The following MRTFA variants were observed in gnomAD, a reference collection of about 807,000 sequenced individuals.
MRTFA encodes myocardin related transcription factor A, also known as myocardin-related transcription factor A.
Under a neutral mutation model 83.5 loss-of-function variants are expected in MRTFA, and 20 were observed. That is an observed-to-expected ratio of 0.24 (90% CI 0.17 to 0.35). The LOEUF (loss-of-function observed/expected upper bound fraction) is 0.35. Ranked by LOEUF, MRTFA falls within the 10% of genes least tolerant of loss-of-function variation. The probability of loss-of-function intolerance (pLI) is 1.00; values close to 1 mark genes in which losing one functional copy is unlikely to be tolerated. For missense variants in MRTFA, 1,200 were observed against 1,224.7 expected, an observed-to-expected ratio of 0.98 and a Z score of 0.30; for synonymous variants, 659 against 541.2, an observed-to-expected ratio of 1.22 and a Z score of -3.02.
chr22:40,424,967 G>T (rs1314769718), intron 7 of MRTFA, among the ~76,000 whole-genome samples: 1 of 152,216 alleles, frequency 6.6e-6, no homozygotes, highest in Admixed American at 6.5e-5. Flanking sequence ...GGGTATCCCA[G>T]AAAGGGGATG....
intron 2 of MRTFA, among the ~76,000 whole-genome samples, chr22:40,590,023 A>G (rs112306358): frequency 1.3e-3 from 183 of 136,114 alleles, no homozygotes; most frequent in South Asian, 7.7e-3. Flanking sequence ...CTCCGTCTCG[A>G]AAAAAAAAAA....
At chr22:40,440,169 AAAG>A (rs2053249308) in intron 4 of MRTFA, among the ~76,000 whole-genome samples, 1 of 151,768 alleles carries the variant, frequency 6.6e-6, no homozygotes, top group Non-Finnish European at 1.5e-5. Flanking sequence ...AAAAAAAAAA[AAAG>A]AATTCAAGAT....
chr22:40,422,724 G>A lies in MRTFA; in HGVS notation c.927+812C>T, dbSNP rs572795069. ...AGCCAGGGAGTGCCACAAGAAGGGC[G>A]GGCAGCTCCCAGAGCTAGTGGGGCC... On this transcript the variant is annotated intron_variant, in intron 9 of 14. Transcript: ENST00000355630. Among the ~76,000 whole-genome samples, 26 of 152,330 alleles carry A rather than the reference G, an allele frequency of 1.7e-4. No individual in the cohort carries two copies. The East Asian group carries it at 3.3e-3, about 19-fold the overall frequency.
intron 1 of MRTFA, among the ~76,000 whole-genome samples, chr22:40,613,062 T>A (rs2056405133): frequency 6.6e-6 from 1 of 152,238 alleles, no homozygotes; most frequent in African/African-American, 2.4e-5. Context: ...AGGTTAGTTT[T>A]GCCTAGTGTA....
chr22:40,461,770 G>C (rs1382231184), intron 4 of MRTFA, among the ~76,000 whole-genome samples: 6 of 151,976 alleles, frequency 3.9e-5, no homozygotes, highest in Admixed American at 3.3e-4. Context: ...CTGCACTCCA[G>C]CCTGGGCAAC....
At chr22:40,505,180 A>G (rs1263876609) in intron 3 of MRTFA, among the ~76,000 whole-genome samples, 2 of 152,232 alleles carry the variant, frequency 1.3e-5, no homozygotes, top group Non-Finnish European at 2.9e-5. Flanking sequence ...GCCAACTTTC[A>G]GGCAAAGGGA....
intron 4 of MRTFA, among the ~76,000 whole-genome samples, chr22:40,439,329 C>T (rs1010244544): frequency 6.6e-6 from 1 of 151,734 alleles, no homozygotes; most frequent in African/African-American, 2.4e-5. Context: ...ATGGCAAAAC[C>T]ATGTCTCTAC....
rs1416329609 is a variant in MRTFA, at chr22:40,420,409, A to C, written c.1349T>G (p.Met450Arg). The C allele has an allele frequency of 1.2e-6, 2 of 1,613,108 alleles. No homozygotes were observed. The highest frequency in any genetic ancestry group is 1.7e-6 in the Non-Finnish European group (2 of 1,179,716). ...AGTTTTCCAGTGGCCATGTACCTTC[A>C]TGTCGTCCAGGTTGGCCGGCAGGGC... The change falls in exon 11 of 15, where the codon ATG becomes AGG. Residue 450 changes from methionine to arginine, a missense_variant. By Grantham distance (91) the Met-to-Arg change is moderately conservative. Transcript: ENST00000355630.
chr22:40,467,292 C>T (rs2053826595), intron 3 of MRTFA, among the ~76,000 whole-genome samples: 1 of 152,110 alleles, frequency 6.6e-6, no homozygotes, highest in South Asian at 2.1e-4. Flanking sequence ...AAGCAGTAAA[C>T]TCAGAATTAT....
chr22:40,520,787 TA>T (rs2054853171), intron 3 of MRTFA, among the ~76,000 whole-genome samples: 2 of 152,212 alleles, frequency 1.3e-5, no homozygotes, highest in Admixed American at 1.3e-4. Context: ...GGATATACCA[TA>T]TTTTGTTTAT....
intron 1 of MRTFA, among the ~76,000 whole-genome samples, chr22:40,633,684 G>A (rs1187569944): frequency 6.6e-6 from 1 of 151,870 alleles, no homozygotes; most frequent in Admixed American, 6.6e-5. Flanking sequence ...AATAAAGATA[G>A]CCTTTATTTA....
At chr22:40,613,598 G>A (rs1041115161) in intron 1 of MRTFA, among the ~76,000 whole-genome samples, 1 of 152,064 alleles carries the variant, frequency 6.6e-6, no homozygotes, top group South Asian at 2.1e-4. Flanking sequence ...GCTCGTGCCT[G>A]TAATCCCAAC....
chr22:40,498,994 G>A (rs766789689), intron 3 of MRTFA, among the ~76,000 whole-genome samples: 17 of 152,014 alleles, frequency 1.1e-4, no homozygotes, highest in Non-Finnish European at 1.6e-4. Flanking sequence ...TCAGCCAATC[G>A]TCCCTTTTAT....
chr22:40,419,483 T>C, intron 11 of MRTFA, 99 bp from the exon 12 acceptor site: 1 of 1,053,442 alleles, frequency 9.5e-7, no homozygotes, highest in Admixed American at 2.3e-5. Context: ...CCACTGCAGA[T>C]GCATCAACTA....
chr22:40,496,723 T>C lies in MRTFA; in HGVS notation c.242-33437A>G, dbSNP rs367844489. Among the ~76,000 whole-genome samples the C allele has an allele frequency of 4.8e-3, 707 of 146,090 alleles. 3 individuals are homozygous for C. The highest frequency in any genetic ancestry group is 0.017 in the African/African-American group (674 of 38,794). Reference sequence around the variant, plus strand: ...GAAGCACAGTCACCAATCTGGGTGGTTGGAATAGAACAATCTATTTTCTCT... The same window carrying C: ...GAAGCACAGTCACCAATCTGGGTGGCTGGAATAGAACAATCTATTTTCTCT... On this transcript the variant is annotated intron_variant, in intron 3 of 14. Coordinates refer to ENST00000355630, the MANE Select transcript of MRTFA (RefSeq NM_020831.6).
chr22:40,630,224 G>C (rs2056627856), intron 1 of MRTFA, among the ~76,000 whole-genome samples: 1 of 152,096 alleles, frequency 6.6e-6, no homozygotes, highest in South Asian at 2.1e-4. Flanking sequence ...GCTGAGGCAG[G>C]AGAATCGCTT....
chr22:40,584,786 T>G (rs1183725189), intron 2 of MRTFA, among the ~76,000 whole-genome samples: 2 of 138,618 alleles, frequency 1.4e-5, no homozygotes, highest in Non-Finnish European at 3.1e-5. Context: ...GGCTCAAGCC[T>G]TAATCCCAGC....
intron 4 of MRTFA, among the ~76,000 whole-genome samples, chr22:40,453,589 G>A (rs2053533551): frequency 6.6e-6 from 1 of 152,182 alleles, no homozygotes; most frequent in African/African-American, 2.4e-5. Context: ...GGCCCAGAGA[G>A]AGAGGATTTG....
chr22:40,509,415 T>G (rs2054631407), intron 3 of MRTFA, among the ~76,000 whole-genome samples: 1 of 152,248 alleles, frequency 6.6e-6, no homozygotes, highest in Non-Finnish European at 1.5e-5. Context: ...TGTTATGACC[T>G]ACTCTTAGGA....
Sources: gnomAD v4.1 joint callset for allele counts (sites outside exome capture counted in the v4.1 genomes callset) on GRCh38, gnomAD v4.1.1 for gene constraint, MANE v1.5 for transcripts, NCBI Gene and HGNC (gene_info 2026-07-23, HGNC 2026-07-21) for gene names.